Variants in TRDN observed in about 807,000 individuals in gnomAD.
The protein encoded by TRDN is triadin in skeletal muscle.
In TRDN, 161 loss-of-function variants were observed where a neutral mutation model predicts 149.7. The observed-to-expected ratio is 1.08, with a 90% CI of 0.95 to 1.23. The LOEUF is 1.23. Ranked by LOEUF, TRDN falls within the 50% of genes most tolerant of loss-of-function variation. TRDN has a pLI of 0.00. For missense variants in TRDN, 896 were observed against 823.5 expected (o/e 1.09, Z -1.08); for synonymous variants, 294 against 250.5 (o/e 1.17, Z -1.64).
intron 21 of TRDN, chr6:123,351,991 C>G (rs927626936): frequency 3.1e-6 from 3 of 976,016 alleles, no homozygotes; most frequent in Non-Finnish European, 3.7e-6. Context: ...AATGCATTAA[C>G]TATTTTATAC....
intron 19 of TRDN, among the ~76,000 whole-genome samples, chr6:123,373,389 G>T (rs903028277): frequency 6.6e-6 from 1 of 152,110 alleles, no homozygotes; most frequent in Non-Finnish European, 1.5e-5. Context: ...GGCCATGTGG[G>T]GCTGTCAGTT....
chr6:123,346,216 G>T (rs1780240300), intron 21 of TRDN, among the ~76,000 whole-genome samples: 1 of 151,924 alleles, frequency 6.6e-6, no homozygotes, highest in Non-Finnish European at 1.5e-5. Context: ...TTCCTAGTTT[G>T]CTGAGAGTTT....
At chr6:123,429,375 T>C (rs892050483) in intron 12 of TRDN, 1 of 152,176 alleles carries the variant, frequency 6.6e-6, no homozygotes, top group African/African-American at 2.4e-5. Context: ...ATAAAATGAA[T>C]CTATACTGGC....
chr6:123,228,015 C>T (rs1364286756), intron 38 of TRDN, among the ~76,000 whole-genome samples: 1 of 111,128 alleles, frequency 9.0e-6, no homozygotes, highest in Non-Finnish European at 2.3e-5. Context: ...TATGTGCCAG[C>T]CACTGTTCTA....
intron 1 of TRDN, among the ~76,000 whole-genome samples, chr6:123,589,120 C>T (rs559947924): frequency 6.6e-6 from 1 of 152,274 alleles, no homozygotes; most frequent in African/African-American, 2.4e-5. Context: ...AAGTCTCATG[C>T]AGTAAGATAA....
intron 12 of TRDN, among the ~76,000 whole-genome samples, chr6:123,429,436 G>A (rs1043219838): frequency 2.0e-5 from 3 of 152,176 alleles, no homozygotes; most frequent in Admixed American, 1.3e-4. Flanking sequence ...TAGAGAGGCT[G>A]CAGTTGAGGG....
At chr6:123,343,309 T>G (rs925169582) in intron 21 of TRDN, among the ~76,000 whole-genome samples, 2 of 151,986 alleles carry the variant, frequency 1.3e-5, no homozygotes, top group Non-Finnish European at 2.9e-5. Flanking sequence ...AATACATTCT[T>G]TATTTCTATA....
At chr6:123,368,981 A>G (rs1407087826) in intron 19 of TRDN, among the ~76,000 whole-genome samples, 2 of 152,146 alleles carry the variant, frequency 1.3e-5, no homozygotes, top group Non-Finnish European at 2.9e-5. Context: ...CTGCCTTAAA[A>G]CTATTGGGTA....
At chr6:123,244,082 A>T (rs1776087837) in intron 38 of TRDN, among the ~76,000 whole-genome samples, 1 of 152,312 alleles carries the variant, frequency 6.6e-6, no homozygotes, top group South Asian at 2.1e-4. Flanking sequence ...CAAAAACCCC[A>T]TCCAAAGGTC....
intron 1 of TRDN, among the ~76,000 whole-genome samples, chr6:123,581,339 G>A (rs919107282): frequency 1.3e-5 from 2 of 152,164 alleles, no homozygotes; most frequent in South Asian, 2.1e-4. Flanking sequence ...GATGAATACT[G>A]TGATGTGAAC....
chr6:123,548,557 C>T lies in TRDN; in HGVS notation c.288G>A (p.Met96Ile). 2 of 1,568,540 alleles carry T rather than the reference C, an allele frequency of 1.3e-6. No homozygotes were observed. Reference protein sequence around the residue: ...SDPLKLVRDAMEETTDWIYGF... With the variant: ...SDPLKLVRDAIEETTDWIYGF... ...CATAGATCCAGTCCGTGGTTTCCTC[C>T]ATAGCATCACGTACCAGTTTTAAAG... is the stretch of plus-strand genomic sequence containing the variant. Residue 96 changes from methionine to isoleucine, a missense_variant, in exon 3 of 41, where the codon ATG becomes ATA. Coordinates refer to ENST00000334268, the MANE Select transcript of TRDN (RefSeq NM_006073.4).
At chr6:123,304,314 G>A (rs142376623) in intron 24 of TRDN, among the ~76,000 whole-genome samples, 1,822 of 142,668 alleles carry the variant, frequency 0.013, 39 homozygotes, top group African/African-American at 0.044. Flanking sequence ...GTGCAGTGGC[G>A]CCATCTCAGC....
chr6:123,359,409 C>A (rs144006357), intron 20 of TRDN, among the ~76,000 whole-genome samples: 5 of 152,040 alleles, frequency 3.3e-5, no homozygotes, highest in Admixed American at 6.6e-5. Context: ...AACAGGGGAA[C>A]AGAATATTAA....
chr6:123,496,942 C>T (rs1458132632), intron 9 of TRDN, among the ~76,000 whole-genome samples: 4 of 151,964 alleles, frequency 2.6e-5, no homozygotes, highest in Admixed American at 2.6e-4. Flanking sequence ...TTTTAGCATT[C>T]CTTATATGGA....
chr6:123,330,722 T>G lies in TRDN; in HGVS notation c.1471+1157A>C, dbSNP rs74748031. ...TTCATTAAATAACAATTATGTTTATTTTAACATTAGTTGCAAAATTAGGAA... is the reference window on the plus strand; with the variant it reads ...TTCATTAAATAACAATTATGTTTATGTTAACATTAGTTGCAAAATTAGGAA... On this transcript the variant is annotated intron_variant, in intron 23 of 40. Transcript: ENST00000334268. Among the ~76,000 whole-genome samples, 465 of 152,212 alleles carry G rather than the reference T, an allele frequency of 3.1e-3. 16 individuals carry two copies. In the East Asian group the frequency reaches 0.076, roughly 25 times the overall value.
At chr6:123,443,631 A>C (rs1775085967) in intron 10 of TRDN, among the ~76,000 whole-genome samples, 1 of 152,092 alleles carries the variant, frequency 6.6e-6, no homozygotes, top group Non-Finnish European at 1.5e-5. Context: ...TCACGACTAA[A>C]AATACAAAAA....
chr6:123,492,894 G>C (rs1184145758), intron 9 of TRDN, among the ~76,000 whole-genome samples: 1 of 152,076 alleles, frequency 6.6e-6, no homozygotes, highest in Non-Finnish European at 1.5e-5. Context: ...TTTCAAGACA[G>C]CTACCATAAG....
intron 24 of TRDN, among the ~76,000 whole-genome samples, chr6:123,314,588 C>A (rs1446652969): frequency 6.6e-6 from 1 of 151,982 alleles, no homozygotes; most frequent in African/African-American, 2.4e-5. Flanking sequence ...GACAAAGAAT[C>A]AAGCCAAATG....
intron 1 of TRDN, among the ~76,000 whole-genome samples, chr6:123,631,495 G>A (rs1786005120): frequency 6.6e-6 from 1 of 151,678 alleles, no homozygotes; most frequent in Non-Finnish European, 1.5e-5. Flanking sequence ...TTACTTCCTT[G>A]TCTGCTTTTA....
Sources: gnomAD v4.1 joint callset for allele counts (sites outside exome capture counted in the v4.1 genomes callset) on GRCh38, gnomAD v4.1.1 for gene constraint, MANE v1.5 for transcripts, NCBI Gene and HGNC (gene_info 2026-07-23, HGNC 2026-07-21) for gene names.